NREP: variants seen among roughly 807,000 people sequenced by gnomAD.
The protein encoded by NREP is neuronal regeneration-related protein.
In NREP, 5 loss-of-function variants were observed where a neutral mutation model predicts 8.6. The ratio of observed to expected loss-of-function variants is 0.58; its 90% CI spans 0.30 to 1.22. NREP has a LOEUF of 1.22. Among genes scored for constraint, NREP ranks in the 50% most tolerant of loss-of-function variants. The pLI is 0.07. For synonymous variants in NREP, 27 were observed against 28.0 expected, an observed-to-expected ratio of 0.96 and a Z score of 0.11; for missense variants, 86 against 82.5, an observed-to-expected ratio of 1.04 and a Z score of -0.17.
At chr5:111,735,615 C>T (rs532308236) in intron 2 of NREP, 108 bp from the exon 3 acceptor site, 10 of 738,046 alleles carry the variant, frequency 1.4e-5, no homozygotes, top group South Asian at 1.0e-4. Context: ...TACTTATTCC[C>T]GACTACCACT....
intron 2 of NREP, among the ~76,000 whole-genome samples, chr5:111,839,292 G>A (rs1412850138): frequency 6.6e-6 from 1 of 152,090 alleles, no homozygotes; most frequent in East Asian, 1.9e-4. Flanking sequence ...GGGAACACAA[G>A]GCATTCTGCT....
intron 2 of NREP, among the ~76,000 whole-genome samples, chr5:111,939,281 A>G (rs940081830): frequency 1.3e-5 from 2 of 152,090 alleles, no homozygotes; most frequent in African/African-American, 4.8e-5. Context: ...CTCAAGGGGC[A>G]GAGATTCTGA....
upstream of NREP, chr5:111,757,777 C>G (rs1447044087): frequency 1.0e-6 from 1 of 979,018 alleles, no homozygotes; most frequent in Non-Finnish European, 1.2e-6. Flanking sequence ...CTCCCCGCCC[C>G]CGGCCAGCCT....
intron 2 of NREP, among the ~76,000 whole-genome samples, chr5:111,968,190 G>A (rs554009009): frequency 6.6e-6 from 1 of 151,740 alleles, no homozygotes; most frequent in African/African-American, 2.4e-5. Flanking sequence ...GTAAATTAGG[G>A]AGATATCATT....
chr5:111,924,567 T>A (rs1167331736), intron 2 of NREP, among the ~76,000 whole-genome samples: 1 of 152,170 alleles, frequency 6.6e-6, no homozygotes, highest in Non-Finnish European at 1.5e-5. Flanking sequence ...GAATTGGGAC[T>A]ATGGCCTCAA....
intron 2 of NREP, among the ~76,000 whole-genome samples, chr5:111,947,845 T>C (rs1156637362): frequency 6.6e-6 from 1 of 152,020 alleles, no homozygotes; most frequent in East Asian, 1.9e-4. Flanking sequence ...TAGAAAGTAA[T>C]TAAACATATT....
intron 2 of NREP, among the ~76,000 whole-genome samples, chr5:111,948,205 C>CT (rs1330922090): frequency 2.0e-5 from 3 of 152,174 alleles, no homozygotes; most frequent in Admixed American, 6.6e-5. Context: ...TCCTGTAATG[C>CT]TATTTCCCTG....
At chr5:111,761,160 G>A (rs1750951536), upstream of NREP, among the ~76,000 whole-genome samples, 1 of 152,194 alleles carries the variant, frequency 6.6e-6, no homozygotes, top group Non-Finnish European at 1.5e-5. Context: ...GTGAGACTGT[G>A]TACAGTGTTT....
At chr5:111,901,842 G>A (rs1754654559) in intron 2 of NREP, among the ~76,000 whole-genome samples, 1 of 151,780 alleles carries the variant, frequency 6.6e-6, no homozygotes, top group Non-Finnish European at 1.5e-5. Flanking sequence ...TCCTGGATCA[G>A]AAGAATTAAT....
intron 2 of NREP, among the ~76,000 whole-genome samples, chr5:111,741,826 C>CACACAGACAG (rs58727765): frequency 7.1e-6 from 1 of 141,062 alleles, no homozygotes; most frequent in African/African-American, 2.8e-5. Context: ...CACACACATA[C>CACACAGACAG]ACACACACAC....
intron 2 of NREP, among the ~76,000 whole-genome samples, chr5:111,736,617 G>A (rs1749145638): frequency 6.6e-6 from 1 of 152,168 alleles, no homozygotes; most frequent in Non-Finnish European, 1.5e-5. Context: ...CATTTTGTCA[G>A]GGAATCTAGG....
rs985527610 is a variant in NREP at position 111,919,316 on chromosome 5, G to A, written c.135+55958C>T. On this transcript the variant is annotated intron_variant, in intron 2 of 3. Coordinates refer to the NREP transcript ENST00000395634. ...CAACCATTGTGGAAGACAGCATGGCGATTCCTCAAGGATCTAGAACCAGAA... is the reference window on the plus strand; with the variant it reads ...CAACCATTGTGGAAGACAGCATGGCAATTCCTCAAGGATCTAGAACCAGAA... 3.3e-5 allele frequency among the ~76,000 whole-genome samples: 5 copies of A among 152,092 alleles called. No individual in the cohort carries two copies. In the South Asian group the frequency reaches 6.2e-4, roughly 19 times the overall value.
chr5:111,816,054 A>G (rs1457439414), intron 2 of NREP, among the ~76,000 whole-genome samples: 1 of 152,228 alleles, frequency 6.6e-6, no homozygotes, highest in African/African-American at 2.4e-5. Context: ...GCCAGAAGGT[A>G]ATCAAATGGC....
chr5:111,940,797 C>G (rs1755807985), intron 2 of NREP, among the ~76,000 whole-genome samples: 1 of 152,004 alleles, frequency 6.6e-6, no homozygotes. Flanking sequence ...TGAGACCACA[C>G]TCATGCCCCA....
At chr5:111,964,684 T>C (rs1222682154) in intron 2 of NREP, among the ~76,000 whole-genome samples, 1 of 151,936 alleles carries the variant, frequency 6.6e-6, no homozygotes, top group African/African-American at 2.4e-5. Flanking sequence ...CTACTGTTGA[T>C]AGACAACTGG....
intron 2 of NREP, among the ~76,000 whole-genome samples, chr5:111,754,313 C>T (rs1025134803): frequency 1.3e-5 from 2 of 152,196 alleles, no homozygotes; most frequent in Admixed American, 6.5e-5. Context: ...TGGTATCTTA[C>T]TCTTTGAGCT....
intron 2 of NREP, among the ~76,000 whole-genome samples, chr5:111,847,703 G>C (rs1753216689): frequency 6.6e-6 from 1 of 151,896 alleles, no homozygotes; most frequent in Non-Finnish European, 1.5e-5. Flanking sequence ...TTCTAAATTT[G>C]ATGGCTTCTC....
intron 2 of NREP, among the ~76,000 whole-genome samples, chr5:111,868,660 G>A (rs1753720186): frequency 6.6e-6 from 1 of 152,134 alleles, no homozygotes; most frequent in Non-Finnish European, 1.5e-5. Context: ...ACAGCACTTA[G>A]CTGGTCCATT....
intron 2 of NREP, among the ~76,000 whole-genome samples, chr5:111,769,794 C>G (rs566778146): frequency 1.1e-4 from 16 of 152,160 alleles, no homozygotes; most frequent in Non-Finnish European, 2.4e-4. Context: ...CTTGAGAGAA[C>G]TCACTTAATA....
Sources: allele counts gnomAD v4.1 joint callset (sites outside exome capture counted in the v4.1 genomes callset), GRCh38; gene constraint gnomAD v4.1.1; transcripts MANE v1.5; gene names NCBI Gene and HGNC (gene_info 2026-07-23, HGNC 2026-07-21).